Variants in SAE1 observed in about 807,000 individuals in gnomAD.
The protein encoded by SAE1 is SUMO1 activating enzyme subunit 1, also known as SUMO-activating enzyme subunit 1.
Under a neutral mutation model 40.6 loss-of-function variants are expected in SAE1, and 11 were observed. The observed-to-expected ratio is 0.27, with a 90% CI of 0.17 to 0.45. The LOEUF (loss-of-function observed/expected upper bound fraction) is 0.45. SAE1 is among the 20% of genes least tolerant of loss of function. SAE1 has a pLI of 1.00. For synonymous variants in SAE1, 155 were observed against 154.3 expected (o/e 1.00, Z -0.03); for missense variants, 373 against 427.3 (o/e 0.87, Z 1.12).
intron 1 of SAE1, among the ~76,000 whole-genome samples, chr19:47,137,609 C>T (rs993299179): frequency 2.0e-5 from 3 of 151,724 alleles, no homozygotes; most frequent in Non-Finnish European, 2.9e-5. Context: ...GGGATTCTCC[C>T]GCCTCAGCCC....
chr19:47,139,619 A>C (rs1600147697), intron 1 of SAE1, among the ~76,000 whole-genome samples: 3 of 128,414 alleles, frequency 2.3e-5, no homozygotes. Flanking sequence ...ACAGAGTCTC[A>C]CTCTTGTCAC....
chr19:47,209,953 T>TA lies in SAE1; in HGVS notation c.*703dup, dbSNP rs1490616643. ...TTAGGGCGAGACCCTGCAAGTTGAG[T>TA]ATTAGAGAGCTTGTCTTTCAAGGCA... On this transcript the variant is annotated 3_prime_UTR_variant, in exon 9 of 9. Coordinates refer to ENST00000270225, the MANE Select transcript of SAE1 (RefSeq NM_005500.3). 6.6e-6 allele frequency: 1 copy of TA among 151,992 alleles called. No homozygotes were observed. Among genetic ancestry groups the TA allele is most frequent in the Non-Finnish European group, 1.5e-5 (1 of 68,018 alleles). The allele number at this position is 151,992 out of a possible 1,614,324, so 9.4% of individuals were successfully genotyped here. A position where few individuals can be genotyped will look rare whatever the true frequency, so the allele number is the denominator to read the frequency against.
At chr19:47,171,343 G>C (rs2123255829) in intron 6 of SAE1, among the ~76,000 whole-genome samples, 1 of 151,466 alleles carries the variant, frequency 6.6e-6, no homozygotes, top group South Asian at 2.1e-4. Flanking sequence ...GCCCAGGCTG[G>C]AGTGCAGTGG....
chr19:47,182,494 T>TGCGC (rs1195553514), intron 6 of SAE1, among the ~76,000 whole-genome samples: 106 of 137,394 alleles, frequency 7.7e-4, no homozygotes, highest in African/African-American at 2.9e-3. Flanking sequence ...TGTGTGTGTG[T>TGCGC]GTGCGCGCAC....
At chr19:47,137,065 G>C (rs1199274368) in intron 1 of SAE1, among the ~76,000 whole-genome samples, 1 of 152,140 alleles carries the variant, frequency 6.6e-6, no homozygotes. Context: ...CAGTTTCATG[G>C]GAAAAATAAG....
At chr19:47,176,698 G>A (rs543644489) in intron 6 of SAE1, among the ~76,000 whole-genome samples, 3 of 152,186 alleles carry the variant, frequency 2.0e-5, no homozygotes, top group Non-Finnish European at 4.4e-5. Flanking sequence ...CTGTCCGCAT[G>A]CATGTGCTTG....
At chr19:47,134,529 ACTG>A (rs1425081289) in intron 1 of SAE1, among the ~76,000 whole-genome samples, 1 of 151,564 alleles carries the variant, frequency 6.6e-6, no homozygotes, top group Non-Finnish European at 1.5e-5. Flanking sequence ...GATTTTAGGG[ACTG>A]CTATTTTCTG....
intron 8 of SAE1, among the ~76,000 whole-genome samples, chr19:47,204,597 C>A (rs567749695): frequency 6.0e-5 from 9 of 149,798 alleles, no homozygotes; most frequent in Non-Finnish European, 1.2e-4. Flanking sequence ...ACCTCCGCCT[C>A]CTGGGTTCAA....
Position 47,188,211 on chromosome 19 carries a change from C to T in SAE1, c.734-9022C>T, listed in dbSNP as rs567173348. 6.6e-5 allele frequency among the ~76,000 whole-genome samples: 10 copies of T among 152,086 alleles called. No individual in the cohort carries two copies. In the South Asian group the frequency reaches 2.1e-3, roughly 32 times the overall value. On this transcript the variant is annotated intron_variant, in intron 6 of 8. Transcript: ENST00000270225. The stretch of plus-strand genomic sequence containing the variant: ...AAAAAATAAAAAATGAACCACCAGG[C>T]ATGGTGGTGCATGCCTGTAGTCCCA...
intron 7 of SAE1, 35 bp downstream of exon 7, chr19:47,197,412 C>T (rs1568609237): frequency 1.9e-6 from 3 of 1,568,874 alleles, no homozygotes; most frequent in Non-Finnish European, 2.6e-6. Context: ...TTAGTCTGGA[C>T]AGATAAAGTT....
chr19:47,153,064 G>A, intron 4 of SAE1, 24 bp downstream of exon 4: 1 of 1,543,678 alleles, frequency 6.5e-7, no homozygotes, highest in Non-Finnish European at 8.8e-7. Context: ...GAGGAGGGGA[G>A]AACATAACAT....
At chr19:47,188,524 A>C (rs578103928) in intron 6 of SAE1, among the ~76,000 whole-genome samples, 2 of 152,322 alleles carry the variant, frequency 1.3e-5, no homozygotes, top group African/African-American at 4.8e-5. Context: ...ACAGGTTACC[A>C]CAGCAAGTGT....
intron 5 of SAE1, among the ~76,000 whole-genome samples, chr19:47,160,532 C>G (rs1180083843): frequency 6.6e-6 from 1 of 151,464 alleles, no homozygotes. Flanking sequence ...GTAGCTGGGA[C>G]TACAGATGCC....
At chr19:47,195,001 C>G (rs911885548) in intron 6 of SAE1, among the ~76,000 whole-genome samples, 1 of 149,994 alleles carries the variant, frequency 6.7e-6, no homozygotes, top group African/African-American at 2.5e-5. Context: ...CCTCGGCCTC[C>G]CAAAGTGCTG....
chr19:47,148,522 C>T (rs974328530), intron 2 of SAE1, among the ~76,000 whole-genome samples: 1 of 151,876 alleles, frequency 6.6e-6, no homozygotes, highest in Non-Finnish European at 1.5e-5. Flanking sequence ...ATTATATTAT[C>T]CTGTCTTTGA....
At chr19:47,154,510 T>TC (rs954141158) in intron 4 of SAE1, among the ~76,000 whole-genome samples, 14 of 122,650 alleles carry the variant, frequency 1.1e-4, no homozygotes, top group Admixed American at 1.8e-4. Flanking sequence ...TTTTTTTTTT[T>TC]CTGAGACAGA....
chr19:47,148,635 GAC>G (rs752755131), intron 2 of SAE1, among the ~76,000 whole-genome samples: 54 of 145,656 alleles, frequency 3.7e-4, no homozygotes, highest in Non-Finnish European at 6.6e-4. Context: ...TTTTTTTTGA[GAC>G]AGAGTCTCAC....
At chr19:47,139,265 A>T (rs761782580) in intron 1 of SAE1, among the ~76,000 whole-genome samples, 5 of 152,166 alleles carry the variant, frequency 3.3e-5, no homozygotes, top group Non-Finnish European at 5.9e-5. Flanking sequence ...GATGGTCTCC[A>T]TCTCCTGAAC....
intron 1 of SAE1, among the ~76,000 whole-genome samples, chr19:47,136,018 G>A (rs2058177450): frequency 6.6e-6 from 1 of 151,364 alleles, no homozygotes; most frequent in Non-Finnish European, 1.5e-5. Flanking sequence ...TGGCCAGGAT[G>A]GTCTCAATCT....
Sources: allele counts gnomAD v4.1 joint callset (sites outside exome capture counted in the v4.1 genomes callset), GRCh38; gene constraint gnomAD v4.1.1; transcripts MANE v1.5; gene names NCBI Gene and HGNC (gene_info 2026-07-23, HGNC 2026-07-21).